The following PEBP4 variants were observed in gnomAD, a reference collection of about 807,000 sequenced individuals.
PEBP4 encodes phosphatidylethanolamine-binding protein 4.
PEBP4 carries 22 observed loss-of-function variants against 23.9 expected under a neutral mutation model. The observed-to-expected ratio is 0.92, with a 90% CI of 0.66 to 1.31. The LOEUF is 1.31. Among genes scored for constraint, PEBP4 ranks in the 40% most tolerant of loss-of-function variants. PEBP4 has a pLI of 0.00. For missense variants in PEBP4, 324 were observed against 281.7 expected (o/e 1.15, Z -1.07); for synonymous variants, 112 against 99.3 (o/e 1.13, Z -0.76).
At chr8:22,747,400 T>G (rs1805145533) in intron 4 of PEBP4, 1 of 152,246 alleles carries the variant, frequency 6.6e-6, no homozygotes, top group Non-Finnish European at 1.5e-5. Context: ...CACAGACGAC[T>G]GGGTTCTGGA....
intron 3 of PEBP4, among the ~76,000 whole-genome samples, chr8:22,832,642 G>A (rs1807110559): frequency 6.6e-6 from 1 of 152,154 alleles, no homozygotes; most frequent in South Asian, 2.1e-4. Context: ...TCCCCAAGAG[G>A]AGAAACGAAA....
intron 4 of PEBP4, among the ~76,000 whole-genome samples, chr8:22,801,687 G>A (rs535594843): frequency 6.6e-6 from 1 of 151,786 alleles, no homozygotes; most frequent in African/African-American, 2.4e-5. Context: ...ACACGTAGAT[G>A]GGCATCTACA....
At chr8:22,809,271 C>T (rs1162473518) in intron 4 of PEBP4, among the ~76,000 whole-genome samples, 1 of 152,112 alleles carries the variant, frequency 6.6e-6, no homozygotes, top group Non-Finnish European at 1.5e-5. Context: ...GGGAGGTAAA[C>T]AATTTGCTCA....
intron 3 of PEBP4, chr8:22,887,089 A>AGTGTGTGTGTGTGTGTGTGTGTGT (rs60863527): frequency 6.8e-6 from 1 of 147,352 alleles, no homozygotes; most frequent in African/African-American, 2.5e-5. Flanking sequence ...GGACACTCCT[A>AGTGTGTGTGTGTGTGTGTGTGTGT]GTGTGTGTGT....
chr8:22,797,778 C>T lies in PEBP4; in HGVS notation c.357+19859G>A, dbSNP rs141594935. 5.6e-4 allele frequency among the ~76,000 whole-genome samples: 85 copies of T among 152,266 alleles called. 1 individual carries two copies. In the East Asian group the frequency reaches 0.012, roughly 21 times the overall value. On this transcript the variant is annotated intron_variant, in intron 4 of 6. Transcript: ENST00000256404. ...TCACGACTGTTCACTGACTTTGAGT[C>T]AAATTGTTCATCTCCCTGGTCCTCA... is the stretch of plus-strand genomic sequence containing the variant.
At chr8:22,902,040 C>T (rs571447293) in intron 3 of PEBP4, among the ~76,000 whole-genome samples, 7 of 152,282 alleles carry the variant, frequency 4.6e-5, no homozygotes, top group South Asian at 4.1e-4. Flanking sequence ...AAATTTTAGC[C>T]GGGCGCAGTG....
At chr8:22,860,860 G>A (rs1807766945) in intron 3 of PEBP4, among the ~76,000 whole-genome samples, 2 of 152,202 alleles carry the variant, frequency 1.3e-5, no homozygotes, top group African/African-American at 4.8e-5. Flanking sequence ...CTCGGTGACA[G>A]CCCTGACTGT....
At chr8:22,773,446 A>G (rs1268682227) in intron 4 of PEBP4, among the ~76,000 whole-genome samples, 1 of 151,994 alleles carries the variant, frequency 6.6e-6, no homozygotes, top group African/African-American at 2.4e-5. Context: ...GGAGGCAGGG[A>G]GATGAGGGGA....
intron 4 of PEBP4, among the ~76,000 whole-genome samples, chr8:22,740,516 C>T (rs1413536928): frequency 1.3e-5 from 2 of 152,158 alleles, no homozygotes; most frequent in Admixed American, 6.5e-5. Flanking sequence ...CTGTGAAGCC[C>T]CTCAGCACCA....
At position 22,782,566 on chromosome 8, in the gene PEBP4, G is replaced by GA. The variant is rs1278013470; in HGVS notation, c.357+35070dup. ...CTGGGCACCAGGGAGTGCTAATTAA[G>GA]AAAAAAATCGCTTAGAATGATTTCT... On this transcript the variant is annotated intron_variant, in intron 4 of 6. Coordinates refer to ENST00000256404, the MANE Select transcript of PEBP4 (RefSeq NM_144962.3). Among the ~76,000 whole-genome samples, 3 of 152,254 alleles carry GA rather than the reference G, an allele frequency of 2.0e-5. No homozygotes were observed. The East Asian group carries it at 5.8e-4, about 29-fold the overall frequency.
At chr8:22,786,150 T>C (rs768949984) in intron 4 of PEBP4, among the ~76,000 whole-genome samples, 30 of 152,104 alleles carry the variant, frequency 2.0e-4, no homozygotes, top group Non-Finnish European at 4.1e-4. Context: ...CACTAAACCG[T>C]TTGTTCTGGA....
intron 3 of PEBP4, among the ~76,000 whole-genome samples, chr8:22,896,831 T>C (rs1158146376): frequency 6.6e-6 from 1 of 151,982 alleles, no homozygotes; most frequent in African/African-American, 2.4e-5. Context: ...AACTCACTAG[T>C]TCTCTATGTA....
intron 3 of PEBP4, among the ~76,000 whole-genome samples, chr8:22,854,162 G>A (rs756033339): frequency 3.3e-5 from 5 of 152,186 alleles, no homozygotes; most frequent in Non-Finnish European, 7.3e-5. Context: ...GGAATCGACT[G>A]AGTTACAAAG....
At chr8:22,741,991 G>T (rs1429614320) in intron 4 of PEBP4, among the ~76,000 whole-genome samples, 2 of 152,160 alleles carry the variant, frequency 1.3e-5, no homozygotes, top group African/African-American at 2.4e-5. Flanking sequence ...GGCTCCCCAG[G>T]CCTCCCTATC....
chr8:22,879,612 T>A (rs11135683), intron 3 of PEBP4, among the ~76,000 whole-genome samples: 80,739 of 151,988 alleles, frequency 0.53, 22,445 homozygotes, highest in East Asian at 0.75. Flanking sequence ...GAGCCAGGAC[T>A]ACCACCGGGC....
intron 4 of PEBP4, among the ~76,000 whole-genome samples, chr8:22,809,171 G>T (rs962590839): frequency 1.3e-5 from 2 of 152,142 alleles, no homozygotes; most frequent in African/African-American, 2.4e-5. Flanking sequence ...CTACGTGCTG[G>T]GTGTTTCACA....
intron 4 of PEBP4, among the ~76,000 whole-genome samples, chr8:22,730,042 C>T (rs926411031): frequency 3.9e-5 from 6 of 152,270 alleles, no homozygotes; most frequent in East Asian, 1.9e-4. Context: ...CCAGGCCCTT[C>T]GAGATCAGCT....
intron 3 of PEBP4, among the ~76,000 whole-genome samples, chr8:22,905,283 TTA>T (rs1491541784): frequency 7.4e-5 from 11 of 147,864 alleles, no homozygotes; most frequent in Middle Eastern, 6.9e-3. Flanking sequence ...TCCTTTTTTT[TTA>T]AAAAAAAAAA....
At chr8:22,931,001 G>A (rs185563112), upstream of PEBP4, among the ~76,000 whole-genome samples, 4 of 152,170 alleles carry the variant, frequency 2.6e-5, no homozygotes, top group African/African-American at 9.6e-5. Flanking sequence ...TCCAGCTACT[G>A]GGATCTGTTG....
Sources: allele counts gnomAD v4.1 joint callset (sites outside exome capture counted in the v4.1 genomes callset), GRCh38; gene constraint gnomAD v4.1.1; transcripts MANE v1.5; gene names NCBI Gene and HGNC (gene_info 2026-07-23, HGNC 2026-07-21).